The following RBFOX1 variants were observed in gnomAD, a reference collection of about 807,000 sequenced individuals.
RBFOX1 encodes the protein RNA binding protein fox-1 homolog 1.
RBFOX1 carries 8 observed loss-of-function variants against 57.7 expected under a neutral mutation model. The observed-to-expected ratio is 0.14, with a 90% CI of 0.08 to 0.25. RBFOX1 has a LOEUF of 0.25. Ranked by LOEUF, RBFOX1 falls within the 10% of genes least tolerant of loss-of-function variation. The pLI, the probability that RBFOX1 is intolerant of heterozygous loss-of-function variation, is 1.00. For synonymous variants in RBFOX1, 326 were observed against 222.4 expected (o/e 1.47, Z -4.15); for missense variants, 611 against 548.5 (o/e 1.11, Z -1.14).
At chr16:7,198,873 A>G (rs1195703808) in intron 4 of RBFOX1, among the ~76,000 whole-genome samples, 5 of 152,188 alleles carry the variant, frequency 3.3e-5, no homozygotes. Context: ...CAGAGGCAAA[A>G]TATAGTGTTG....
chr16:6,211,918 C>A (rs2097301107), intron 1 of RBFOX1, among the ~76,000 whole-genome samples: 1 of 151,892 alleles, frequency 6.6e-6, no homozygotes, highest in African/African-American at 2.4e-5. Context: ...GGCATGGTCT[C>A]AGCTCACTGC....
intron 3 of RBFOX1, among the ~76,000 whole-genome samples, chr16:6,673,784 A>G (rs2098783125): frequency 6.6e-6 from 1 of 152,142 alleles, no homozygotes; most frequent in Non-Finnish European, 1.5e-5. Context: ...GCATATTCCT[A>G]CTCACAAAAA....
chr16:6,462,894 A>C (rs532173548), intron 2 of RBFOX1, among the ~76,000 whole-genome samples: 7 of 152,162 alleles, frequency 4.6e-5, no homozygotes, highest in Non-Finnish European at 1.0e-4. Flanking sequence ...ATTTAGGTAC[A>C]ATATTTGTTC....
At chr16:5,708,618 G>A (rs1009731700) in intron 3 of RBFOX1, among the ~76,000 whole-genome samples, 3 of 152,088 alleles carry the variant, frequency 2.0e-5, no homozygotes, top group Admixed American at 6.5e-5. Context: ...CCAGGAGCTG[G>A]CATGGTTCAT....
intron 3 of RBFOX1, among the ~76,000 whole-genome samples, chr16:5,741,986 TCA>T (rs1450854730): frequency 6.6e-6 from 1 of 152,186 alleles, no homozygotes; most frequent in Non-Finnish European, 1.5e-5. Context: ...TCCTCTCTTC[TCA>T]GTCTTTTGGC....
At chr16:6,725,627 G>A (rs749605465) in intron 3 of RBFOX1, among the ~76,000 whole-genome samples, 59 of 152,246 alleles carry the variant, frequency 3.9e-4, no homozygotes, top group Non-Finnish European at 3.2e-4. Context: ...TATGCCTATG[G>A]AGTAGTCATT....
At chr16:7,081,088 G>A (rs548513094) in intron 4 of RBFOX1, among the ~76,000 whole-genome samples, 1 of 152,292 alleles carries the variant, frequency 6.6e-6, no homozygotes, top group East Asian at 1.9e-4. Context: ...AGGCTGGAGT[G>A]CAGTGGCACG....
At chr16:5,610,843 G>A (rs2151244684) in intron 3 of RBFOX1, among the ~76,000 whole-genome samples, 1 of 152,210 alleles carries the variant, frequency 6.6e-6, no homozygotes. Context: ...ACTCCAGCCT[G>A]GGTGACAGAG....
At chr16:7,198,747 G>A (rs145838286) in intron 4 of RBFOX1, among the ~76,000 whole-genome samples, 59 of 152,186 alleles carry the variant, frequency 3.9e-4, no homozygotes, top group African/African-American at 1.4e-3. Context: ...CGTGAAAGTG[G>A]AGTTCTCGTA....
intron 2 of RBFOX1, among the ~76,000 whole-genome samples, chr16:6,586,137 C>T (rs1057440210): frequency 2.6e-5 from 4 of 152,164 alleles, no homozygotes; most frequent in African/African-American, 9.6e-5. Context: ...ATGATCAATT[C>T]AGACGTTTGG....
At chr16:6,738,969 T>G (rs2071254431) in intron 3 of RBFOX1, among the ~76,000 whole-genome samples, 1 of 152,152 alleles carries the variant, frequency 6.6e-6, no homozygotes, top group Admixed American at 6.5e-5. Context: ...TATCAAAATG[T>G]GTGTGTCGCA....
intron 3 of RBFOX1, among the ~76,000 whole-genome samples, chr16:5,732,816 A>G (rs1447549674): frequency 1.3e-5 from 2 of 152,156 alleles, no homozygotes; most frequent in South Asian, 2.1e-4. Context: ...CCTCATGAAT[A>G]TTCTTCACAA....
intron 4 of RBFOX1, among the ~76,000 whole-genome samples, chr16:7,063,055 A>T (rs893699100): frequency 1.3e-5 from 2 of 151,722 alleles, no homozygotes; most frequent in African/African-American, 4.8e-5. Flanking sequence ...CTAAAAGCCA[A>T]CTCTTCATCA....
At chr16:6,806,834 ATAT>A (rs1301143974) in intron 3 of RBFOX1, among the ~76,000 whole-genome samples, 13 of 74,178 alleles carry the variant, frequency 1.8e-4, no homozygotes, top group Admixed American at 3.3e-4. Context: ...ATATATATAT[ATAT>A]TTTTTTTTTT....
chr16:5,580,330 T>C (rs2046621824), intron 2 of RBFOX1, among the ~76,000 whole-genome samples: 1 of 152,154 alleles, frequency 6.6e-6, no homozygotes, highest in African/African-American at 2.4e-5. Flanking sequence ...GACTGATTGG[T>C]AATTGAGCTT....
chr16:5,528,576 C>G (rs1208259040), intron 2 of RBFOX1, among the ~76,000 whole-genome samples: 2 of 118,116 alleles, frequency 1.7e-5, no homozygotes, highest in Non-Finnish European at 3.3e-5. Flanking sequence ...CTGGCTTCTT[C>G]TTGTCCGATC....
chr16:6,748,569 G>A (rs1202132416), intron 3 of RBFOX1, among the ~76,000 whole-genome samples: 1 of 152,126 alleles, frequency 6.6e-6, no homozygotes, highest in African/African-American at 2.4e-5. Context: ...AGGCTGAAGT[G>A]GATCTCTTGA....
chr16:5,408,431 C>T (rs910097531), intron 1 of RBFOX1, among the ~76,000 whole-genome samples: 2 of 152,156 alleles, frequency 1.3e-5, no homozygotes, highest in East Asian at 3.8e-4. Context: ...AGAGTCTGAG[C>T]TATTCAGAGG....
chr16:6,915,004 C>T (rs916081353), intron 3 of RBFOX1, among the ~76,000 whole-genome samples: 4 of 152,220 alleles, frequency 2.6e-5, no homozygotes, highest in Non-Finnish European at 5.9e-5. Context: ...AGGCAGCAAG[C>T]AGGCCCAGGG....
Sources: allele counts gnomAD v4.1 joint callset (sites outside exome capture counted in the v4.1 genomes callset), GRCh38; gene constraint gnomAD v4.1.1; transcripts MANE v1.5; gene names NCBI Gene and HGNC (gene_info 2026-07-23, HGNC 2026-07-21).